C1QTNF3: variants seen among roughly 807,000 people sequenced by gnomAD.
C1QTNF3 encodes the protein C1q and TNF related 3.
Under a neutral mutation model 32.6 loss-of-function variants are expected in C1QTNF3, and 26 were observed. The ratio of observed to expected loss-of-function variants is 0.80; its 90% CI spans 0.58 to 1.11. The LOEUF is 1.11. Ranked by LOEUF, C1QTNF3 falls within the 50% of genes least tolerant of loss-of-function variation. The pLI is 0.00. For missense variants in C1QTNF3, 362 were observed against 398.2 expected (o/e 0.91, Z 0.77); for synonymous variants, 155 against 146.0 (o/e 1.06, Z -0.44).
the C1QTNF3 span, among the ~76,000 whole-genome samples, chr5:34,130,409 TAATTGAGCAAAAGAAC>T: frequency 6.6e-6 from 1 of 151,044 alleles, no homozygotes. Context: ...AATGCCCATA[TAATTGAGCAAAAGAAC>T]ACTTTGCCCT....
chr5:34,110,358 AAGAC>A, the C1QTNF3 span, among the ~76,000 whole-genome samples: 75 of 151,868 alleles, frequency 4.9e-4, no homozygotes, highest in African/African-American at 1.7e-3. Context: ...TATTAATAGA[AAGAC>A]AGACAGCAGT....
intron 4 of C1QTNF3, among the ~76,000 whole-genome samples, chr5:34,026,817 A>G (rs1754471986): frequency 6.6e-6 from 1 of 152,156 alleles, no homozygotes; most frequent in African/African-American, 2.4e-5. Flanking sequence ...GATTAACAAT[A>G]CTCTCCAAGA....
At chr5:34,027,390 A>C (rs1754490749) in intron 4 of C1QTNF3, among the ~76,000 whole-genome samples, 1 of 152,202 alleles carries the variant, frequency 6.6e-6, no homozygotes, top group African/African-American at 2.4e-5. Flanking sequence ...TATACCTGTA[A>C]GTGATCAATT....
chr5:34,166,052 A>G, the C1QTNF3 span: 315 of 149,896 alleles, frequency 2.1e-3, 2 homozygotes, highest in Admixed American at 0.02. Flanking sequence ...ACATCCAAAT[A>G]TTGATTTAAT....
At chr5:34,147,992 T>G in the C1QTNF3 span, among the ~76,000 whole-genome samples, 8 of 151,932 alleles carry the variant, frequency 5.3e-5, no homozygotes, top group African/African-American at 1.5e-4. Flanking sequence ...CAGGCCAGTG[T>G]GTGTGCGCAC....
chr5:34,208,725 A>C, the C1QTNF3 span, among the ~76,000 whole-genome samples: 109 of 152,300 alleles, frequency 7.2e-4, no homozygotes, highest in Middle Eastern at 0.01. Context: ...AAATCTAAGA[A>C]AAACTCTATA....
the C1QTNF3 span, among the ~76,000 whole-genome samples, chr5:34,061,643 C>T: frequency 1.3e-5 from 2 of 152,218 alleles, no homozygotes; most frequent in African/African-American, 2.4e-5. Context: ...GGCTTGCACC[C>T]TCTGAAGCCA....
the C1QTNF3 span, among the ~76,000 whole-genome samples, chr5:34,084,986 C>CTTTTTTT: frequency 1.0e-4 from 7 of 69,976 alleles, no homozygotes; most frequent in East Asian, 4.2e-4. Flanking sequence ...ACGTTTAAGT[C>CTTTTTTT]TTTTTTTTTT....
chr5:34,221,017 G>C, the C1QTNF3 span, among the ~76,000 whole-genome samples: 1 of 152,122 alleles, frequency 6.6e-6, no homozygotes, highest in African/African-American at 2.4e-5. Flanking sequence ...AAAGCTGAAG[G>C]CTGCTTTGTA....
At chr5:34,131,511 A>C in the C1QTNF3 span, among the ~76,000 whole-genome samples, 2 of 152,246 alleles carry the variant, frequency 1.3e-5, no homozygotes, top group Admixed American at 1.3e-4. Context: ...TATGTTACGT[A>C]AAATAAGCTA....
At chr5:34,069,760 T>G in the C1QTNF3 span, among the ~76,000 whole-genome samples, 1 of 152,134 alleles carries the variant, frequency 6.6e-6, no homozygotes, top group Non-Finnish European at 1.5e-5. Context: ...AGTGAATAGG[T>G]AGCATATTCA....
At chr5:34,186,488 CT>C in the C1QTNF3 span, among the ~76,000 whole-genome samples, 14 of 139,336 alleles carry the variant, frequency 1.0e-4, no homozygotes, top group African/African-American at 3.7e-4. Flanking sequence ...TTCTTTCCTC[CT>C]TTTTTTTTTT....
At chr5:34,093,975 C>T in the C1QTNF3 span, among the ~76,000 whole-genome samples, 1 of 152,170 alleles carries the variant, frequency 6.6e-6, no homozygotes, top group Admixed American at 6.6e-5. Flanking sequence ...CTACTTCTTC[C>T]TGGTCATAAG....
chr5:34,235,364 T>G, the C1QTNF3 span, among the ~76,000 whole-genome samples: 3 of 152,068 alleles, frequency 2.0e-5, no homozygotes, highest in Non-Finnish European at 4.4e-5. Context: ...TTATAATGAT[T>G]AGGTGGTGAT....
chr5:34,209,739 T>C, the C1QTNF3 span, among the ~76,000 whole-genome samples: 1 of 152,098 alleles, frequency 6.6e-6, no homozygotes, highest in African/African-American at 2.4e-5. Flanking sequence ...TATATAGTTT[T>C]ACAGACAGCC....
At chr5:34,049,790 G>A in the C1QTNF3 span, among the ~76,000 whole-genome samples, 63 of 152,350 alleles carry the variant, frequency 4.1e-4, 1 homozygote, top group East Asian at 0.011. Context: ...CAGTCTGGAG[G>A]CAGAATTGTT....
In C1QTNF3 at chr5:34,040,606, A is replaced by G. The variant is rs577649687; in HGVS notation, c.303+2217T>C. Among the ~76,000 whole-genome samples, 60 of 152,232 alleles carry G rather than the reference A, an allele frequency of 3.9e-4. No individual in the cohort carries two copies. The East Asian group carries it at 0.01, about 25-fold the overall frequency. On this transcript the variant is annotated intron_variant, in intron 1 of 5. Transcript: ENST00000382065. ...CAGCTGGAGCATCTTTCCAGACCATATATCTGATTACCTCACTGTCCTGCT... is the reference window on the plus strand; with the variant it reads ...CAGCTGGAGCATCTTTCCAGACCATGTATCTGATTACCTCACTGTCCTGCT...
chr5:34,039,832 C>T (rs1754825701), intron 1 of C1QTNF3, among the ~76,000 whole-genome samples: 1 of 152,126 alleles, frequency 6.6e-6, no homozygotes, highest in Non-Finnish European at 1.5e-5. Context: ...AGTATCTAGG[C>T]ACAAGAATTC....
At chr5:34,093,671 T>A in the C1QTNF3 span, among the ~76,000 whole-genome samples, 3 of 144,188 alleles carry the variant, frequency 2.1e-5, no homozygotes, top group Non-Finnish European at 4.5e-5. Context: ...CACTTTCCTC[T>A]GATTGATCCC....
Sources: allele counts gnomAD v4.1 joint callset (sites outside exome capture counted in the v4.1 genomes callset), GRCh38; gene constraint gnomAD v4.1.1; transcripts MANE v1.5; gene names NCBI Gene and HGNC (gene_info 2026-07-23, HGNC 2026-07-21).